The following FLRT3 variants were observed in gnomAD, a reference collection of about 807,000 sequenced individuals.
FLRT3 encodes leucine-rich repeat transmembrane protein FLRT3.
Under a neutral mutation model 42.6 loss-of-function variants are expected in FLRT3, and 17 were observed. That is an observed-to-expected ratio of 0.40 (90% CI 0.27 to 0.60). The LOEUF is 0.60. FLRT3 is among the 20% of genes least tolerant of loss of function. The probability of loss-of-function intolerance (pLI) is 0.44; values close to 1 mark genes in which losing one functional copy is unlikely to be tolerated. For synonymous variants in FLRT3, 279 were observed against 286.4 expected (o/e 0.97, Z 0.26); for missense variants, 635 against 789.2 (o/e 0.80, Z 2.34).
rs1290792201 is a variant in FLRT3, at chr20:14,326,346, T to C, written c.1161A>G (p.Lys387=). 1 of 1,613,828 alleles carries C rather than the reference T, an allele frequency of 6.2e-7. No homozygotes were observed. Among genetic ancestry groups the C allele is most frequent in the African/African-American group, 1.3e-5 (1 of 74,892 alleles). The change falls in exon 3 of 3, where the codon AAA becomes AAG. Residue 387 remains lysine (K), a synonymous_variant. Transcript: ENST00000341420. This position sits in a 1 kb window ranked among gnomAD's most constrained non-coding sequence, Gnocchi z 5.5. ...AQGQWPAPVT[K]QPDIKNPKLT... ...GCTTGGGGTTCTTAATATCTGGCTG[T>C]TTGGTCACTGGAGCTGGCCACTGTC...
rs6079391 is a variant in FLRT3, at chr20:14,326,307, G to T, written c.1200C>A (p.His400Gln). 719,078 of 1,613,598 alleles carry T rather than the reference G, an allele frequency of 0.45. 168,244 individuals are homozygous for T. The highest frequency in any genetic ancestry group is 0.49 in the Non-Finnish European group (572,410 of 1,179,754). Residue 400 changes from histidine (H) to glutamine (Q), a missense_variant, in exon 3 of 3, where the codon CAC (histidine) becomes CAA (glutamine). Physicochemically the swap from His to Gln is conservative, Grantham distance 24. Transcript: ENST00000341420. The surrounding 1 kb of genome is among the most constrained non-coding windows in gnomAD (Gnocchi z 5.5). ...TTCTTGAGGGACTCCCTGTGGTTTG[G>T]TGATCCTTAGTGAGCTTGGGGTTCT... ...DIKNPKLTKDHQTTGSPSRKT... is the reference protein window; with the variant it reads ...DIKNPKLTKDQQTTGSPSRKT...
chr20:14,326,879 G>C lies in FLRT3; in HGVS notation c.628C>G (p.Leu210Val). 1 of 1,613,734 alleles carries C rather than the reference G, an allele frequency of 6.2e-7. No homozygotes were observed. Among genetic ancestry groups the C allele is most frequent in the Non-Finnish European group, 8.5e-7 (1 of 1,179,790 alleles). Reference sequence around the variant, plus strand: ...TCACCTAAACCATGATTGTTCAACAGGTTTCCATCTAGAACCAGGCGTTTT... The same window carrying C: ...TCACCTAAACCATGATTGTTCAACACGTTTCCATCTAGAACCAGGCGTTTT... The part of the protein sequence containing the change: ...SLKRLVLDGN[L>V]LNNHGLGDKV... The change falls in exon 3 of 3, where the codon CTG becomes GTG. Residue 210 changes from leucine (L) to valine (V), a missense_variant. Coordinates refer to ENST00000341420, the MANE Select transcript of FLRT3 (RefSeq NM_198391.3). This position sits in a 1 kb window ranked among gnomAD's most constrained non-coding sequence, Gnocchi z 5.5.
chr20:14,327,684 G>A (rs2082760273), intron 2 of FLRT3, 126 bp from the exon 3 acceptor site: 3 of 698,850 alleles, frequency 4.3e-6, no homozygotes, highest in Non-Finnish European at 6.7e-6. Context: ...TGTTTTGGGA[G>A]GGGGCATAAT....
chr20:14,326,813 G>C lies in FLRT3; in HGVS notation c.694C>G (p.Leu232Val). The change falls in exon 3 of 3, where the codon CTG becomes GTG. Residue 232 changes from leucine to valine, a missense_variant. Leu to Val is a conservative substitution (Grantham distance 32). Coordinates refer to ENST00000341420, the MANE Select transcript of FLRT3 (RefSeq NM_198391.3). This position sits in a 1 kb window ranked among gnomAD's most constrained non-coding sequence, Gnocchi z 5.5. ...GCAGCAGTCAGGGAATTCCGCACCA[G>C]GGACAGCTCTGTCAAATTAACTAGG... The part of the protein sequence containing the change: ...FNLVNLTELS[L>V]VRNSLTAAPV... 1 of 1,613,746 alleles carries C rather than the reference G, an allele frequency of 6.2e-7. No homozygotes were observed. Among genetic ancestry groups the C allele is most frequent in the African/African-American group, 1.3e-5 (1 of 75,016 alleles).
rs1258258654 is a variant in FLRT3 at position 14,325,788 on chromosome 20, A to G, written c.1719T>C (p.Asp573=). Residue 573 remains aspartate (D), a synonymous_variant, in exon 3 of 3, where the codon GAT becomes GAC. Transcript: ENST00000341420. ...CAYSKGRRRK[D]DYAEAGTKKD... ...TCTTAGTGCCAGCTTCTGCATAGTC[A>G]TCCTTTCTTCTCCTCCCTTTGCTAT... 1.9e-6 allele frequency: 3 copies of G among 1,613,884 alleles called. No homozygotes were observed. The South Asian group carries it at 3.3e-5, about 18-fold the overall frequency.
rs763048882 is a variant in FLRT3 at position 14,326,558 on chromosome 20, G to C, written c.949C>G (p.Arg317Gly). 10 of 1,613,748 alleles carry C rather than the reference G, an allele frequency of 6.2e-6. No homozygotes were observed. The highest frequency in any genetic ancestry group is 8.5e-6 in the Non-Finnish European group (10 of 1,179,852). Residue 317 changes from arginine (R) to glycine (G), a missense_variant, in exon 3 of 3, where the codon CGT (arginine) becomes GGT (glycine). Transcript: ENST00000341420. The surrounding 1 kb of genome is among the most constrained non-coding windows in gnomAD (Gnocchi z 5.5). ...WYCGCKMKWV[R>G]DWLQSLPVKV... is the part of the protein sequence containing the mutation. ...ACAGGTAGTGATTGTAACCAGTCAC[G>C]TACCCATTTCATCTTGCACCCGCAA... is the stretch of plus-strand genomic sequence containing the variant.
chr20:14,327,427 A>G lies in FLRT3; in HGVS notation c.80T>C (p.Met27Thr), dbSNP rs1424889681. Residue 27 changes from methionine to threonine, a missense_variant, in exon 3 of 3, where the codon ATG becomes ACG. By Grantham distance (81) the Met-to-Thr change is moderately conservative (BLOSUM62 -1). Coordinates refer to ENST00000341420, the MANE Select transcript of FLRT3 (RefSeq NM_198391.3). The stretch of plus-strand genomic sequence containing the variant: ...ACACACAGATGGACAGGATTTAGCC[A>G]TAACTGATAGAGGTGCTACTTGAAG... ...LFLQVAPLSV[M>T]AKSCPSVCRC... 2.5e-6 allele frequency: 4 copies of G among 1,613,542 alleles called. No homozygotes were observed. Among genetic ancestry groups the G allele is most frequent in the East Asian group, 2.2e-5 (1 of 44,866 alleles).
chr20:14,325,715 G>A lies in FLRT3; in HGVS notation c.1792C>T (p.Pro598Ser), dbSNP rs139469546. The A allele has an allele frequency of 2.6e-4, 427 of 1,613,756 alleles. 1 individual carries two copies. Among genetic ancestry groups the A allele is most frequent in the Non-Finnish European group, 3.4e-4 (398 of 1,179,864 alleles). ...EIRETSFQML[P>S]ISNEPISKEE... ...TTCGAGATGGGTTCATTGCTTATTG[G>A]TAACATCTGAAAAGAAGTTTCCCTG... The change falls in exon 3 of 3, where the codon CCA becomes TCA. Residue 598 changes from proline to serine, a missense_variant. Transcript: ENST00000341420.
intron 1 of FLRT3, among the ~76,000 whole-genome samples, chr20:14,331,830 C>CTG (rs1337969304): frequency 2.0e-5 from 3 of 152,040 alleles, no homozygotes; most frequent in Non-Finnish European, 4.4e-5. Flanking sequence ...CCTAGAAATA[C>CTG]TGTAGTCAAA....
At chr20:14,335,860 G>A (rs888629732) in intron 1 of FLRT3, among the ~76,000 whole-genome samples, 2 of 151,998 alleles carry the variant, frequency 1.3e-5, no homozygotes, top group Non-Finnish European at 2.9e-5. Flanking sequence ...ATAGATGTGC[G>A]TTTGTCTGTG....
chr20:14,336,852 G>C (rs934135794), intron 1 of FLRT3, among the ~76,000 whole-genome samples: 1 of 152,188 alleles, frequency 6.6e-6, no homozygotes, highest in African/African-American at 2.4e-5. Flanking sequence ...GCTCAGGCAC[G>C]ATAGCAGTGC....
In FLRT3 at chr20:14,326,996, A is replaced by G; in HGVS notation, c.511T>C (p.Trp171Arg). Reference protein sequence around the residue: ...LSRNHLSTIPWGLPRTIEELR... With the variant: ...LSRNHLSTIPRGLPRTIEELR... ...TCTTCTATAGTCCTGGGCAAACCCC[A>G]GGGAATTGTGCTAAGGTGATTACGG... The change falls in exon 3 of 3, where the codon TGG becomes CGG. Residue 171 changes from tryptophan (W) to arginine (R), a missense_variant. By Grantham distance (101) the Trp-to-Arg change is moderately radical. Coordinates refer to ENST00000341420, the MANE Select transcript of FLRT3 (RefSeq NM_198391.3). The surrounding 1 kb of genome is among the most constrained non-coding windows in gnomAD (Gnocchi z 5.5). 6.2e-7 allele frequency: 1 copy of G among 1,613,768 alleles called. No individual in the cohort carries two copies. Among genetic ancestry groups the G allele is most frequent in the Non-Finnish European group, 8.5e-7 (1 of 1,179,774 alleles).
chr20:14,333,780 T>C (rs759326964), intron 1 of FLRT3, among the ~76,000 whole-genome samples: 1 of 152,142 alleles, frequency 6.6e-6, no homozygotes, highest in Non-Finnish European at 1.5e-5. Flanking sequence ...AAATACATTG[T>C]TTTTCATGTC....
At chr20:14,333,936 C>A (rs2082888896) in intron 1 of FLRT3, among the ~76,000 whole-genome samples, 1 of 152,160 alleles carries the variant, frequency 6.6e-6, no homozygotes, top group Admixed American at 6.5e-5. Context: ...GCCTCGGTAA[C>A]TTGTGCACAT....
chr20:14,331,509 A>G (rs1412476184), intron 1 of FLRT3, among the ~76,000 whole-genome samples: 1 of 152,066 alleles, frequency 6.6e-6, no homozygotes, highest in Non-Finnish European at 1.5e-5. Flanking sequence ...TCTTCTCCCC[A>G]CATTGTATTA....
At position 14,326,003 on chromosome 20, in the gene FLRT3, C is replaced by A; in HGVS notation, c.1504G>T (p.Ala502Ser). 6.2e-7 allele frequency: 1 copy of A among 1,613,882 alleles called. No individual in the cohort carries two copies. The highest frequency in any genetic ancestry group is 8.5e-7 in the Non-Finnish European group (1 of 1,179,866). Residue 502 changes from alanine (A) to serine (S), a missense_variant, in exon 3 of 3, where the codon GCA becomes TCA. Physicochemically the swap from Ala to Ser is moderately conservative, Grantham distance 99. Coordinates refer to ENST00000341420, the MANE Select transcript of FLRT3 (RefSeq NM_198391.3). This position sits in a 1 kb window ranked among gnomAD's most constrained non-coding sequence, Gnocchi z 5.5. Reference sequence around the variant, plus strand: ...GTAGGGTTGTACATTCGAAGGGGTGCAGTTTCAGTCTCAATACAAACAGGA... The same window carrying A: ...GTAGGGTTGTACATTCGAAGGGGTGAAGTTTCAGTCTCAATACAAACAGGA... ...ETPVCIETETAPLRMYNPTTT... is the reference protein window; with the variant it reads ...ETPVCIETETSPLRMYNPTTT...
At chr20:14,334,585 C>A (rs1227298740) in intron 1 of FLRT3, among the ~76,000 whole-genome samples, 1 of 151,002 alleles carries the variant, frequency 6.6e-6, no homozygotes, top group Non-Finnish European at 1.5e-5. Flanking sequence ...CTGCTGCTGG[C>A]CAGTTTTTCT....
At chr20:14,331,722 G>GTTTTGC (rs1305415267) in intron 1 of FLRT3, among the ~76,000 whole-genome samples, 3 of 151,936 alleles carry the variant, frequency 2.0e-5, no homozygotes, top group African/African-American at 7.3e-5. Context: ...TTTGGTTTTG[G>GTTTTGC]CATATTAAAG....
chr20:14,325,086 A>AATTTATTAT lies in FLRT3; in HGVS notation c.*470_*471insATAATAAAT, dbSNP rs1246048640. ...ATTTCATAACCATTTTTTAAAATTA[A>AATTTATTAT]ATTTTATCTCATTCAGCCATTCAGC... On this transcript the variant is annotated 3_prime_UTR_variant, in exon 3 of 3. Coordinates refer to ENST00000341420, the MANE Select transcript of FLRT3 (RefSeq NM_198391.3). 6.5e-6 allele frequency: 1 copy of AATTTATTAT among 152,698 alleles called. No individual in the cohort carries two copies. The highest frequency in any genetic ancestry group is 6.6e-5 in the Admixed American group (1 of 15,260). 9.5% of individuals were successfully genotyped at this position (152,698 alleles called of 1,614,324 possible). A position where few individuals can be genotyped will look rare whatever the true frequency, so the allele number is the denominator to read the frequency against.
Sources: gnomAD v4.1 joint callset for allele counts (sites outside exome capture counted in the v4.1 genomes callset) on GRCh38, gnomAD v4.1.1 for gene constraint, Gnocchi (gnomAD v3.1) non-coding constraint, MANE v1.5 for transcripts, NCBI Gene and HGNC (gene_info 2026-07-23, HGNC 2026-07-21) for gene names.